The following ACTR3B variants were observed in gnomAD, a reference collection of about 807,000 sequenced individuals.
ACTR3B encodes the protein actin-related protein 3B.
ACTR3B carries 8 observed loss-of-function variants against 59.0 expected under a neutral mutation model. The ratio of observed to expected loss-of-function variants is 0.14; its 90% CI spans 0.08 to 0.24. ACTR3B has a LOEUF of 0.24. Ranked by LOEUF, ACTR3B falls within the 10% of genes least tolerant of loss-of-function variation. ACTR3B has a pLI of 1.00. For synonymous variants in ACTR3B, 148 were observed against 197.9 expected (o/e 0.75, Z 2.12); for missense variants, 245 against 552.3 (o/e 0.44, Z 5.58).
At chr7:152,784,055 A>T (rs1590236995) in intron 2 of ACTR3B, among the ~76,000 whole-genome samples, 1 of 151,508 alleles carries the variant, frequency 6.6e-6, no homozygotes, top group Non-Finnish European at 1.5e-5. Context: ...GTGCCACTGC[A>T]CTCCAGCCTG....
chr7:152,814,984 G>A (rs1590344184), intron 5 of ACTR3B, among the ~76,000 whole-genome samples: 1 of 151,726 alleles, frequency 6.6e-6, no homozygotes, highest in Non-Finnish European at 1.5e-5. Flanking sequence ...ACCTTTAGAG[G>A]TTTCCCCTTT....
At chr7:152,840,488 C>A (rs554707160) in intron 9 of ACTR3B, among the ~76,000 whole-genome samples, 1 of 152,134 alleles carries the variant, frequency 6.6e-6, no homozygotes, top group Non-Finnish European at 1.5e-5. Context: ...TTCTTTCAGG[C>A]CCCAGCACCA....
At chr7:152,822,224 A>T (rs1796226750) in intron 7 of ACTR3B, among the ~76,000 whole-genome samples, 1 of 152,234 alleles carries the variant, frequency 6.6e-6, no homozygotes, top group Non-Finnish European at 1.5e-5. Context: ...TGTTTCAGGG[A>T]TGCTAAGAAA....
At chr7:152,831,331 T>C (rs886805562) in intron 9 of ACTR3B, among the ~76,000 whole-genome samples, 13 of 152,164 alleles carry the variant, frequency 8.5e-5, no homozygotes, top group Admixed American at 5.2e-4. Context: ...CAGGTCCCAC[T>C]GCGGGCGCTG....
At chr7:152,837,056 G>A (rs1244044610) in intron 9 of ACTR3B, among the ~76,000 whole-genome samples, 1 of 152,344 alleles carries the variant, frequency 6.6e-6, no homozygotes, top group East Asian at 1.9e-4. Context: ...TGCACCTGTA[G>A]TCTCAGCTAC....
intron 9 of ACTR3B, among the ~76,000 whole-genome samples, chr7:152,837,494 A>T (rs920793120): frequency 1.3e-5 from 2 of 152,248 alleles, no homozygotes; most frequent in African/African-American, 4.8e-5. Flanking sequence ...CTCATAAAAG[A>T]CTAGTTAGAA....
rs1257248612 is a variant in ACTR3B at position 152,828,499 on chromosome 7, G to A, written c.951+3377G>A. Among the ~76,000 whole-genome samples, 4 of 152,100 alleles carry A rather than the reference G, an allele frequency of 2.6e-5. No individual in the cohort carries two copies. In the East Asian group the frequency reaches 7.7e-4, roughly 29 times the overall value. ...TGTAACTCCTGCTCCTTAGTGCGGT[G>A]GAGAGCATGCCCCGAATCGTCTGTG... is the stretch of plus-strand genomic sequence containing the variant. On this transcript the variant is annotated intron_variant, in intron 9 of 11. Coordinates refer to ENST00000256001, the MANE Select transcript of ACTR3B (RefSeq NM_020445.6).
chr7:152,847,621 C>G (rs565399642), intron 9 of ACTR3B, among the ~76,000 whole-genome samples: 4 of 152,220 alleles, frequency 2.6e-5, no homozygotes, highest in African/African-American at 9.6e-5. Context: ...CTGAAGGAAT[C>G]TGGGTGAGGA....
chr7:152,812,584 G>A (rs1195814674), intron 4 of ACTR3B: 1 of 136,370 alleles, frequency 7.3e-6, no homozygotes, highest in Admixed American at 8.1e-5. Flanking sequence ...GGGGTACAGA[G>A]TGAAGTTTTG....
At chr7:152,796,860 G>GTTT (rs779909545) in intron 2 of ACTR3B, among the ~76,000 whole-genome samples, 1 of 54,750 alleles carries the variant, frequency 1.8e-5, no homozygotes, top group African/African-American at 6.9e-5. Flanking sequence ...TAGTTTTTGT[G>GTTT]TTTTTTTTTT....
At chr7:152,812,738 T>A (rs2116811714) in intron 4 of ACTR3B, 1 of 150,200 alleles carries the variant, frequency 6.7e-6, no homozygotes, top group East Asian at 2.0e-4. Flanking sequence ...CCTTGAAGAC[T>A]CTAAGTGTGG....
intron 9 of ACTR3B, among the ~76,000 whole-genome samples, chr7:152,829,957 C>T (rs1182275030): frequency 1.3e-5 from 2 of 152,148 alleles, no homozygotes; most frequent in East Asian, 1.9e-4. Flanking sequence ...TAAGTATGTA[C>T]GAGATGATTC....
intron 4 of ACTR3B, among the ~76,000 whole-genome samples, chr7:152,803,899 A>G (rs2098244324): frequency 6.6e-6 from 1 of 152,194 alleles, no homozygotes; most frequent in Non-Finnish European, 1.5e-5. Flanking sequence ...TGAGAATGGT[A>G]AATTTCCTTC....
At chr7:152,795,042 T>G (rs190970895) in intron 2 of ACTR3B, among the ~76,000 whole-genome samples, 4,601 of 151,514 alleles carry the variant, frequency 0.03, 116 homozygotes, top group Middle Eastern at 0.096. Flanking sequence ...CTCTCTTTTT[T>G]TTTTTTTTTT....
chr7:152,843,914 C>T lies in ACTR3B; in HGVS notation c.952-8212C>T, dbSNP rs184655212. 2.0e-3 allele frequency among the ~76,000 whole-genome samples: 304 copies of T among 152,204 alleles called. 1 individual carries two copies. Among genetic ancestry groups the T allele is most frequent in the Non-Finnish European group, 3.0e-3 (202 of 68,012 alleles). On this transcript the variant is annotated intron_variant, in intron 9 of 11. Coordinates refer to ENST00000256001, the MANE Select transcript of ACTR3B (RefSeq NM_020445.6). ...ATATAAGTTACTCTCAGATGCTCCC[C>T]GCTCCTAGATGTGTGTGCATGTGGG...
At chr7:152,821,210 T>TC (rs1433927516) in intron 7 of ACTR3B, among the ~76,000 whole-genome samples, 2 of 152,154 alleles carry the variant, frequency 1.3e-5, no homozygotes, top group African/African-American at 4.8e-5. Context: ...CATTAGATAT[T>TC]CTTTTTTAGA....
At chr7:152,760,402 C>G (rs1019906652) in intron 1 of ACTR3B, among the ~76,000 whole-genome samples, 2 of 152,234 alleles carry the variant, frequency 1.3e-5, no homozygotes, top group African/African-American at 4.8e-5. Flanking sequence ...TCAGCACTGG[C>G]CCTCGTTCTG....
intron 4 of ACTR3B, among the ~76,000 whole-genome samples, chr7:152,807,524 A>G (rs1288365418): frequency 6.6e-6 from 1 of 152,130 alleles, no homozygotes; most frequent in Non-Finnish European, 1.5e-5. Flanking sequence ...TTTTTTACTT[A>G]AAAAGAACTA....
At chr7:152,821,417 A>G (rs1318343465) in intron 7 of ACTR3B, among the ~76,000 whole-genome samples, 7 of 151,906 alleles carry the variant, frequency 4.6e-5, no homozygotes, top group Non-Finnish European at 1.0e-4. Context: ...GCTTGAGGCC[A>G]GGGTTCGAAA....
Sources: allele counts gnomAD v4.1 joint callset (sites outside exome capture counted in the v4.1 genomes callset), GRCh38; gene constraint gnomAD v4.1.1; transcripts MANE v1.5; gene names NCBI Gene and HGNC (gene_info 2026-07-23, HGNC 2026-07-21).